The following IQGAP2 variants were observed in gnomAD, a reference collection of about 807,000 sequenced individuals.
The protein encoded by IQGAP2 is ras GTPase-activating-like protein IQGAP2.
IQGAP2 carries 173 observed loss-of-function variants against 201.3 expected under a neutral mutation model. The ratio of observed to expected loss-of-function variants is 0.86; its 90% CI spans 0.76 to 0.98. The LOEUF (loss-of-function observed/expected upper bound fraction) is 0.98, where lower values mean the gene tolerates loss of function less well. Among genes scored for constraint, IQGAP2 ranks in the 50% least tolerant of loss-of-function variants. The pLI, the probability that IQGAP2 is intolerant of heterozygous loss-of-function variation, is 0.00. For synonymous variants in IQGAP2, 675 were observed against 673.9 expected (o/e 1.00, Z -0.03); for missense variants, 1,687 against 1,864.8 (o/e 0.90, Z 1.76).
rs1314944970 is a variant in IQGAP2, at chr5:76,511,681, G to GT, written c.146+50016dup. Reference sequence around the variant, plus strand: ...AATGAGTTTTTTTTTGTTTTGTTTTGTTTTGTTTTTTTTTTTTGAGACGGA... The same window carrying GT: ...AATGAGTTTTTTTTTGTTTTGTTTTGTTTTTGTTTTTTTTTTTTGAGACGGA... On this transcript the variant is annotated intron_variant, in intron 2 of 35. Coordinates refer to ENST00000274364, the MANE Select transcript of IQGAP2 (RefSeq NM_006633.5). 8.9e-5 allele frequency among the ~76,000 whole-genome samples: 10 copies of GT among 112,848 alleles called. No homozygotes were observed. The South Asian group carries it at 1.1e-3, about 13-fold the overall frequency. The allele number at this position is 112,848 out of a possible 152,430, so 74.0% of individuals were successfully genotyped here. A position where few individuals can be genotyped will look rare whatever the true frequency, so the allele number is the denominator to read the frequency against.
chr5:76,706,138 C>T (rs984116200), intron 35 of IQGAP2, among the ~76,000 whole-genome samples: 1 of 152,270 alleles, frequency 6.6e-6, no homozygotes, highest in South Asian at 2.1e-4. Flanking sequence ...GCACTTCTCT[C>T]CATACATAGT....
intron 2 of IQGAP2, among the ~76,000 whole-genome samples, chr5:76,473,273 T>C (rs924439263): frequency 2.0e-5 from 3 of 148,576 alleles, no homozygotes; most frequent in Admixed American, 6.8e-5. Flanking sequence ...TCACTTAAGC[T>C]TTGGTGGAAT....
chr5:76,675,858 C>T (rs181088536), intron 27 of IQGAP2, among the ~76,000 whole-genome samples: 1 of 123,128 alleles, frequency 8.1e-6, no homozygotes. Flanking sequence ...TTTTCATTCT[C>T]CTCACTGACT....
In IQGAP2 at chr5:76,582,783, A is replaced by AACTACTACTACT. The variant is rs35811029; in HGVS notation, c.459-6112_459-6101dup. On this transcript the variant is annotated intron_variant, in intron 5 of 35. Coordinates refer to ENST00000274364, the MANE Select transcript of IQGAP2 (RefSeq NM_006633.5). The stretch of plus-strand genomic sequence containing the variant: ...GGAAAAATTTGGTTCAGTAGATAAC[A>AACTACTACTACT]ACTACTACTACTACTACTACTATAT... 3.8e-4 allele frequency among the ~76,000 whole-genome samples: 57 copies of AACTACTACTACT among 151,832 alleles called. 1 individual carries two copies. The highest frequency in any genetic ancestry group is 2.9e-3 in the East Asian group (15 of 5,140).
chr5:76,695,701 A>G (rs1276983618), intron 32 of IQGAP2, 35 bp downstream of exon 32: 1 of 1,558,648 alleles, frequency 6.4e-7, no homozygotes, highest in African/African-American at 1.4e-5. Flanking sequence ...TCCTTCACTT[A>G]GCAGACATTT....
chr5:76,700,950 A>G (rs12054935), intron 33 of IQGAP2, 126 bp from the exon 34 acceptor site: 284,142 of 857,078 alleles, frequency 0.33, 48,480 homozygotes, highest in Non-Finnish European at 0.35. Flanking sequence ...AAAATAAAAA[A>G]GTGTATATTC....
Position 76,652,809 on chromosome 5 carries a change from T to C in IQGAP2, c.2154T>C (p.Ile718=). 6.2e-7 allele frequency: 1 copy of C among 1,606,000 alleles called. No individual in the cohort carries two copies. Among genetic ancestry groups the C allele is most frequent in the Admixed American group, 1.7e-5 (1 of 60,024 alleles). Residue 718 remains isoleucine, a synonymous_variant, in exon 18 of 36, where the codon ATT becomes ATC. Transcript: ENST00000274364. ...ATATGCACAGGCGGCAAACGTTCAT[T>C]GATAATACTGATTCTATTGTGAAGG... ...KEYMHRRQTF[I]DNTDSIVKIQ...
chr5:76,466,377 A>G (rs1754781784), intron 2 of IQGAP2, among the ~76,000 whole-genome samples: 1 of 152,220 alleles, frequency 6.6e-6, no homozygotes, highest in Non-Finnish European at 1.5e-5. Context: ...GATGCAAGGA[A>G]TGCAGAATAG....
chr5:76,407,233 CT>C (rs1750850201), intron 1 of IQGAP2, among the ~76,000 whole-genome samples: 1 of 152,082 alleles, frequency 6.6e-6, no homozygotes, highest in Non-Finnish European at 1.5e-5. Context: ...TCCCAAAGTG[CT>C]GGGATTACAG....
chr5:76,547,010 A>G (rs1743139157), intron 2 of IQGAP2, among the ~76,000 whole-genome samples: 1 of 152,054 alleles, frequency 6.6e-6, no homozygotes, highest in South Asian at 2.1e-4. Flanking sequence ...CTGGTAGTGG[A>G]GGTGGGGGAA....
At chr5:76,558,410 T>C (rs763542238) in intron 2 of IQGAP2, among the ~76,000 whole-genome samples, 9 of 152,332 alleles carry the variant, frequency 5.9e-5, no homozygotes, top group Middle Eastern at 6.8e-3. Flanking sequence ...GAAAATGTAA[T>C]TATTTGAAAA....
intron 21 of IQGAP2, among the ~76,000 whole-genome samples, chr5:76,663,733 C>T (rs1418670090): frequency 1.3e-5 from 2 of 151,584 alleles, no homozygotes; most frequent in African/African-American, 4.9e-5. Flanking sequence ...GGGTCTTGCT[C>T]TGTTGCCCAG....
chr5:76,449,294 C>G (rs909081097), intron 1 of IQGAP2, among the ~76,000 whole-genome samples: 1 of 152,216 alleles, frequency 6.6e-6, no homozygotes, highest in Non-Finnish European at 1.5e-5. Flanking sequence ...ATCTAGAAAA[C>G]TGGCTCTGAT....
chr5:76,486,297 A>G (rs1458368426), intron 2 of IQGAP2, among the ~76,000 whole-genome samples: 1 of 152,222 alleles, frequency 6.6e-6, no homozygotes, highest in African/African-American at 2.4e-5. Context: ...TGGTTGCAGC[A>G]TGTTTGCCCT....
At chr5:76,489,629 C>T (rs1380765656) in intron 2 of IQGAP2, among the ~76,000 whole-genome samples, 1 of 152,028 alleles carries the variant, frequency 6.6e-6, no homozygotes, top group Non-Finnish European at 1.5e-5. Context: ...GCCAGGCTAA[C>T]TCTTTTGGAT....
In IQGAP2 at chr5:76,699,942, T is replaced by A. The variant is rs1199150926; in HGVS notation, c.4368-1134T>A. On this transcript the variant is annotated intron_variant, in intron 33 of 35. Coordinates refer to ENST00000274364, the MANE Select transcript of IQGAP2 (RefSeq NM_006633.5). ...CTCTCTCTCTCTCTCTCTCTCTCTC[T>A]CACTCTCGTGCTCTCTCTCTCTATA... 7.1e-5 allele frequency among the ~76,000 whole-genome samples: 8 copies of A among 112,000 alleles called. 1 individual carries two copies. The highest frequency in any genetic ancestry group is 2.5e-4 in the African/African-American group (7 of 27,852). The allele number at this position is 112,000 out of a possible 152,430, so 73.5% of individuals were successfully genotyped here.
At chr5:76,657,283 G>T (rs988510629) in intron 20 of IQGAP2, among the ~76,000 whole-genome samples, 38 of 152,186 alleles carry the variant, frequency 2.5e-4, no homozygotes, top group African/African-American at 8.9e-4. Flanking sequence ...TGGCTGCATG[G>T]ATGAGCGGTG....
intron 4 of IQGAP2, among the ~76,000 whole-genome samples, chr5:76,571,872 C>T (rs1223210303): frequency 1.3e-5 from 2 of 152,164 alleles, no homozygotes; most frequent in Non-Finnish European, 2.9e-5. Context: ...TCCATTTTCA[C>T]CATTTCATAT....
chr5:76,510,694 G>C, intron 2 of IQGAP2: 1 of 535,476 alleles, frequency 1.9e-6, no homozygotes. Flanking sequence ...GCTGCAGCCA[G>C]ACTGCCAAGC....
Sources: gnomAD v4.1 joint callset for allele counts (sites outside exome capture counted in the v4.1 genomes callset) on GRCh38, gnomAD v4.1.1 for gene constraint, MANE v1.5 for transcripts, NCBI Gene and HGNC (gene_info 2026-07-23, HGNC 2026-07-21) for gene names.